The following MAGI3 variants were observed in gnomAD, a reference collection of about 807,000 sequenced individuals.
MAGI3 encodes the protein membrane associated guanylate kinase, WW and PDZ domain containing 3.
A neutral mutation model predicts 121.8 loss-of-function variants in MAGI3; 43 were observed. That is an observed-to-expected ratio of 0.35 (90% CI 0.28 to 0.46). The LOEUF is 0.46. Ranked by LOEUF, MAGI3 falls within the 20% of genes least tolerant of loss-of-function variation. The probability of loss-of-function intolerance (pLI) is 1.00; values close to 1 mark genes in which losing one functional copy is unlikely to be tolerated. For missense variants in MAGI3, 1,547 were observed against 1,797.3 expected (o/e 0.86, Z 2.52); for synonymous variants, 553 against 639.3 (o/e 0.86, Z 2.04).
At chr1:113,476,205 T>C (rs1205855164) in intron 1 of MAGI3, among the ~76,000 whole-genome samples, 1 of 152,198 alleles carries the variant, frequency 6.6e-6, no homozygotes, top group Non-Finnish European at 1.5e-5. Flanking sequence ...GAAGGGTTTT[T>C]TGTGTCTCCA....
rs578207208 is a variant in MAGI3, at chr1:113,425,427, C to T, written c.316+34078C>T. ...CCTCCCGAATAGCTGGGACTACAGG[C>T]GCCCGCCACCACGCCCGGCTAATTT... On this transcript the variant is annotated intron_variant, in intron 1 of 20. Coordinates refer to ENST00000307546, the MANE Select transcript of MAGI3 (RefSeq NM_001142782.2). Among the ~76,000 whole-genome samples, 48 of 151,306 alleles carry T rather than the reference C, an allele frequency of 3.2e-4. 1 individual carries two copies. Among genetic ancestry groups the T allele is most frequent in the Admixed American group, 2.1e-3 (32 of 15,240 alleles).
intron 1 of MAGI3, among the ~76,000 whole-genome samples, chr1:113,506,409 A>G (rs1282082785): frequency 6.7e-6 from 1 of 150,294 alleles, no homozygotes; most frequent in Non-Finnish European, 1.5e-5. Context: ...TCCAAACCTC[A>G]TATCCCTTTT....
chr1:113,578,154 T>C (rs1473645325), intron 2 of MAGI3, among the ~76,000 whole-genome samples: 2 of 152,186 alleles, frequency 1.3e-5, no homozygotes, highest in Admixed American at 6.5e-5. Context: ...TTGGGCTCTC[T>C]TTATCACTCA....
intron 4 of MAGI3, among the ~76,000 whole-genome samples, chr1:113,586,584 A>G (rs1451946527): frequency 5.9e-5 from 9 of 152,180 alleles, no homozygotes; most frequent in Non-Finnish European, 1.3e-4. Flanking sequence ...TACTAAAAAC[A>G]GGTTTTAAAA....
intron 9 of MAGI3, among the ~76,000 whole-genome samples, chr1:113,628,904 G>A (rs1254336131): frequency 6.6e-6 from 1 of 152,054 alleles, no homozygotes; most frequent in East Asian, 1.9e-4. Flanking sequence ...TCTCCTTTGG[G>A]TTAAATCTGC....
At chr1:113,440,139 A>G (rs1379142224) in intron 1 of MAGI3, among the ~76,000 whole-genome samples, 1 of 152,188 alleles carries the variant, frequency 6.6e-6, no homozygotes, top group Non-Finnish European at 1.5e-5. Flanking sequence ...GATTATTGTG[A>G]GAATTAAATG....
intron 1 of MAGI3, among the ~76,000 whole-genome samples, chr1:113,479,739 T>G (rs941986311): frequency 3.9e-5 from 6 of 152,174 alleles, no homozygotes; most frequent in Non-Finnish European, 8.8e-5. Context: ...TTGGTTCTTT[T>G]GATACTCCAT....
intron 1 of MAGI3, chr1:113,450,307 C>T: frequency 7.1e-6 from 11 of 1,544,244 alleles, no homozygotes; most frequent in Middle Eastern, 1.7e-4. Context: ...TTTTATGGGT[C>T]GCGGAGGAAA....
chr1:113,649,174 C>A, intron 12 of MAGI3, 63 bp from the exon 13 acceptor site: 1 of 1,313,780 alleles, frequency 7.6e-7, no homozygotes, highest in South Asian at 1.4e-5. Context: ...AAATACTGAA[C>A]TTTGTTTTGT....
intron 19 of MAGI3, among the ~76,000 whole-genome samples, chr1:113,675,434 G>A (rs995404523): frequency 6.6e-6 from 1 of 152,184 alleles, no homozygotes; most frequent in African/African-American, 2.4e-5. Flanking sequence ...GAAGCCAAGG[G>A]GAGAAAGGAT....
chr1:113,571,254 A>T (rs1647277635), intron 2 of MAGI3, among the ~76,000 whole-genome samples: 6 of 152,192 alleles, frequency 3.9e-5, no homozygotes, highest in Middle Eastern at 3.4e-3. Flanking sequence ...TGTTCTATGT[A>T]TCGGTTTTGG....
At chr1:113,533,468 AACT>A (rs1019836673) in intron 1 of MAGI3, among the ~76,000 whole-genome samples, 9 of 152,088 alleles carry the variant, frequency 5.9e-5, no homozygotes, top group Admixed American at 5.9e-4. Flanking sequence ...AGAGTCAAAA[AACT>A]ACTTATTGGG....
chr1:113,443,251 G>A (rs906164321), intron 1 of MAGI3, among the ~76,000 whole-genome samples: 13 of 152,138 alleles, frequency 8.5e-5, no homozygotes, highest in Admixed American at 8.5e-4. Context: ...GCTATTATGT[G>A]CAATGGTTCT....
chr1:113,653,272 T>C (rs1331685979), intron 14 of MAGI3, among the ~76,000 whole-genome samples: 1 of 152,196 alleles, frequency 6.6e-6, no homozygotes, highest in Non-Finnish European at 1.5e-5. Context: ...TAAAACTTGA[T>C]GGAACTAAAA....
chr1:113,651,991 A>G (rs142272048), intron 14 of MAGI3, among the ~76,000 whole-genome samples: 1,828 of 152,238 alleles, frequency 0.012, 16 homozygotes, highest in Admixed American at 0.023. Flanking sequence ...TGCATGGATT[A>G]TTTTATTTAA....
intron 7 of MAGI3, among the ~76,000 whole-genome samples, chr1:113,616,262 C>T (rs1164783377): frequency 1.3e-5 from 2 of 152,034 alleles, no homozygotes; most frequent in African/African-American, 4.8e-5. Flanking sequence ...ATGATTATTC[C>T]CAGAATGAGC....
chr1:113,434,240 G>GCCA (rs914712546), intron 1 of MAGI3, among the ~76,000 whole-genome samples: 1 of 152,140 alleles, frequency 6.6e-6, no homozygotes, highest in African/African-American at 2.4e-5. Context: ...TTTGCTGTTT[G>GCCA]CCACTACATT....
At chr1:113,586,554 C>T (rs1472833257) in intron 4 of MAGI3, among the ~76,000 whole-genome samples, 2 of 152,066 alleles carry the variant, frequency 1.3e-5, no homozygotes, top group African/African-American at 4.8e-5. Flanking sequence ...ATGGATTACC[C>T]CAATGTATTT....
intron 1 of MAGI3, among the ~76,000 whole-genome samples, chr1:113,457,269 T>A (rs1353250126): frequency 6.6e-6 from 1 of 152,200 alleles, no homozygotes; most frequent in East Asian, 1.9e-4. Context: ...AGGTTTTCAT[T>A]TGCTTGATAT....
Sources: allele counts gnomAD v4.1 joint callset (sites outside exome capture counted in the v4.1 genomes callset), GRCh38; gene constraint gnomAD v4.1.1; transcripts MANE v1.5; gene names NCBI Gene and HGNC (gene_info 2026-07-23, HGNC 2026-07-21).